Variants in DHX34 observed in about 807,000 individuals in gnomAD.
DHX34 encodes probable ATP-dependent RNA helicase DHX34.
Under a neutral mutation model 111.1 loss-of-function variants are expected in DHX34, and 96 were observed. The observed-to-expected ratio is 0.86, with a 90% confidence interval of 0.73 to 1.02. The LOEUF (loss-of-function observed/expected upper bound fraction) is 1.02. Ranked by LOEUF, DHX34 falls within the 50% of genes least tolerant of loss-of-function variation. The probability of loss-of-function intolerance (pLI) is 0.00; values close to 1 mark genes in which losing one functional copy is unlikely to be tolerated. For synonymous variants in DHX34, 688 were observed against 670.4 expected (o/e 1.03, Z -0.41); for missense variants, 1,560 against 1,579.9 (o/e 0.99, Z 0.21).
intron 2 of DHX34, among the ~76,000 whole-genome samples, chr19:47,354,115 A>G (rs1385121092): frequency 2.0e-5 from 3 of 152,122 alleles, no homozygotes; most frequent in Admixed American, 2.0e-4. Context: ...GGCACCCGCC[A>G]CCATGCCCAG....
chr19:47,373,626 C>A lies in DHX34; in HGVS notation c.1990C>A (p.Arg664Ser). The change falls in exon 9 of 17, where the codon CGC (arginine) becomes AGC (serine). Residue 664 changes from arginine to serine, a missense_variant. Transcript: ENST00000328771. ...GAAATCTGAACGGAGCAGAAACTCT[C>A]GCAAGTGGTGCCGCCGCCGGGGCAT... is the stretch of plus-strand genomic sequence containing the variant. Reference protein sequence around the residue: ...QVKSERSRNSRKWCRRRGIEE... With the variant: ...QVKSERSRNSSKWCRRRGIEE... The A allele has an allele frequency of 6.2e-7, 1 of 1,613,900 alleles. No individual in the cohort carries two copies. Among genetic ancestry groups the A allele is most frequent in the Non-Finnish European group, 8.5e-7 (1 of 1,179,946 alleles).
chr19:47,377,320 C>T (rs1970200457), intron 13 of DHX34, 114 bp downstream of exon 13: 22 of 1,131,542 alleles, frequency 1.9e-5, no homozygotes, highest in South Asian at 1.9e-4. Context: ...CTGGGCTGGC[C>T]GCAGGCGTCA....
Position 47,367,069 on chromosome 19 carries a change from T to G in DHX34, c.1682T>G (p.Leu561Arg), listed in dbSNP as rs1247274816. Residue 561 changes from leucine (L) to arginine (R), a missense_variant, in exon 7 of 17, where the codon CTC (leucine) becomes CGC (arginine). By Grantham distance (102) the Leu-to-Arg change is moderately radical. Transcript: ENST00000328771. ...PASLETAILYLRDQGALDSSE... is the reference protein window; with the variant it reads ...PASLETAILYRRDQGALDSSE... ...AGCCTGGAAACCGCCATCCTCTACC[T>G]CCGGGACCAGGGGGCCCTGGACAGC... 6.2e-7 allele frequency: 1 copy of G among 1,608,728 alleles called. No homozygotes were observed. Among genetic ancestry groups the G allele is most frequent in the Admixed American group, 1.7e-5 (1 of 59,310 alleles).
intron 5 of DHX34, among the ~76,000 whole-genome samples, chr19:47,361,272 A>G (rs1969623843): frequency 6.6e-6 from 1 of 151,852 alleles, no homozygotes. Flanking sequence ...AGCCTGGACA[A>G]CATGGTGAAA....
At chr19:47,370,715 C>T (rs577669032) in intron 7 of DHX34, among the ~76,000 whole-genome samples, 2 of 152,280 alleles carry the variant, frequency 1.3e-5, no homozygotes, top group South Asian at 2.1e-4. Flanking sequence ...TTCACTCTGT[C>T]CTCCAGGCTG....
In DHX34 at chr19:47,377,933, G is replaced by A. The variant is rs1373318516; in HGVS notation, c.2706+727G>A. Among the ~76,000 whole-genome samples the A allele has an allele frequency of 2.0e-5, 3 of 152,028 alleles. No individual in the cohort carries two copies. In the East Asian group the frequency reaches 5.8e-4, roughly 29 times the overall value. On this transcript the variant is annotated intron_variant, in intron 13 of 16. Coordinates refer to ENST00000328771, the MANE Select transcript of DHX34 (RefSeq NM_014681.6). ...CACTGCCCTGCCCCTAGTGCTCCTCGAGCGTCTTTGTGATCCTAGGCCTGG... is the reference window on the plus strand; with the variant it reads ...CACTGCCCTGCCCCTAGTGCTCCTCAAGCGTCTTTGTGATCCTAGGCCTGG...
chr19:47,377,865 C>G (rs1242494713), intron 13 of DHX34, among the ~76,000 whole-genome samples: 1 of 152,012 alleles, frequency 6.6e-6, no homozygotes, highest in Non-Finnish European at 1.5e-5. Flanking sequence ...CATGGATGCC[C>G]TTGCATGGGC....
At chr19:47,359,867 G>T in intron 4 of DHX34, 101 bp from the exon 5 acceptor site, 4 of 1,585,862 alleles carry the variant, frequency 2.5e-6, no homozygotes, top group Non-Finnish European at 3.4e-6. Context: ...GGAGGAAAGG[G>T]TTCCAGGGAA....
intron 16 of DHX34, chr19:47,381,687 TG>T: frequency 1.5e-6 from 1 of 676,336 alleles, no homozygotes. Context: ...TGGGGTTCAG[TG>T]GGGGAGATAG....
Position 47,382,211 on chromosome 19 carries a change from GCC to G in DHX34, c.*100_*101del. ...TGCCTGAACCCCCAGCCTGGGCTTA[GCC>G]CTGTGGTCCTGTCCCAGTGCAGAGG... On this transcript the variant is annotated 3_prime_UTR_variant, in exon 17 of 17. Transcript: ENST00000328771. 6.5e-7 allele frequency: 1 copy of G among 1,532,904 alleles called. No individual in the cohort carries two copies. Among genetic ancestry groups the G allele is most frequent in the Non-Finnish European group, 8.7e-7 (1 of 1,143,522 alleles). 95.0% of individuals were successfully genotyped at this position (1,532,904 alleles called of 1,614,324 possible).
At chr19:47,368,440 G>T (rs1969862149) in intron 7 of DHX34, among the ~76,000 whole-genome samples, 1 of 149,990 alleles carries the variant, frequency 6.7e-6, no homozygotes, top group African/African-American at 2.5e-5. Flanking sequence ...CCGAGTAGCT[G>T]GGATTACAGG....
At position 47,353,088 on chromosome 19, in the gene DHX34, A is replaced by T. The variant is rs776390516; in HGVS notation, c.58A>T (p.Ser20Cys). Residue 20 changes from serine to cysteine, a missense_variant, in exon 2 of 17, where the codon AGC becomes TGC. Physicochemically the swap from Ser to Cys is moderately radical, Grantham distance 112 (BLOSUM62 -1). Coordinates refer to ENST00000328771, the MANE Select transcript of DHX34 (RefSeq NM_014681.6). This position sits in a 1 kb window ranked among gnomAD's most constrained non-coding sequence, Gnocchi z 4.6. ...TCGCCGAGACCACCACCGGGCTCCC[A>T]GCGAGGAAGAGGCCTTGGAGAAATG... ...RDRRDHHRAP[S>C]EEEALEKWDW... 6.2e-7 allele frequency: 1 copy of T among 1,614,162 alleles called. No individual in the cohort carries two copies. The highest frequency in any genetic ancestry group is 8.5e-7 in the Non-Finnish European group (1 of 1,180,004).
intron 7 of DHX34, among the ~76,000 whole-genome samples, chr19:47,368,072 G>T (rs1969847517): frequency 6.6e-6 from 1 of 151,138 alleles, no homozygotes; most frequent in Admixed American, 6.6e-5. Context: ...GTTTGGACCA[G>T]CCATGTTCAA....
intron 9 of DHX34, among the ~76,000 whole-genome samples, chr19:47,374,071 GA>G (rs1970056905): frequency 6.6e-6 from 1 of 152,164 alleles, no homozygotes; most frequent in Non-Finnish European, 1.5e-5. Flanking sequence ...TGCCATTTCT[GA>G]CAGCGTGGCC....
chr19:47,376,047 C>A lies in DHX34; in HGVS notation c.2431C>A (p.Gln811Lys). ...GGTGCTGGGCCGGGGCCTGTACCCA[C>A]AGCTGGCCGTCCCCGACGCCTTCAA... ...KLVLGRGLYP[Q>K]LAVPDAFNSS... Residue 811 changes from glutamine (Q) to lysine (K), a missense_variant, in exon 11 of 17, where the codon CAG (glutamine) becomes AAG (lysine). Coordinates refer to ENST00000328771, the MANE Select transcript of DHX34 (RefSeq NM_014681.6). The A allele has an allele frequency of 6.3e-7, 1 of 1,591,686 alleles. No individual in the cohort carries two copies.
At chr19:47,360,105 C>G (rs373252007) in intron 5 of DHX34, 35 bp downstream of exon 5, 3 of 1,605,954 alleles carry the variant, frequency 1.9e-6, no homozygotes, top group Admixed American at 3.3e-5. Context: ...CCACCACCCC[C>G]AAGGACTTAG....
At chr19:47,362,409 C>T in intron 5 of DHX34, 67 bp from the exon 6 acceptor site, 4 of 1,430,878 alleles carry the variant, frequency 2.8e-6, no homozygotes, top group Non-Finnish European at 3.7e-6. Context: ...GTGACAAGAG[C>T]CAGGCGCGTG....
Position 47,359,638 on chromosome 19 carries a change from C to T in DHX34, c.1273-330C>T, listed in dbSNP as rs188864999. 4.4e-4 allele frequency among the ~76,000 whole-genome samples: 67 copies of T among 151,442 alleles called. 1 individual carries two copies. The East Asian group carries it at 9.4e-3, about 21-fold the overall frequency. On this transcript the variant is annotated intron_variant, in intron 4 of 16. Transcript: ENST00000328771. Reference sequence around the variant, plus strand: ...CTCTACTTAAAATACAAAAATTAGCCGGGCATGGTGGCGGGCACCTGTAAT... The same window carrying T: ...CTCTACTTAAAATACAAAAATTAGCTGGGCATGGTGGCGGGCACCTGTAAT...
chr19:47,365,591 C>T (rs544446902), intron 6 of DHX34, among the ~76,000 whole-genome samples: 11 of 152,238 alleles, frequency 7.2e-5, no homozygotes, highest in Admixed American at 3.3e-4. Flanking sequence ...AACTCATAGA[C>T]GGCATCAAGG....
Sources: allele counts gnomAD v4.1 joint callset (sites outside exome capture counted in the v4.1 genomes callset), GRCh38; gene constraint gnomAD v4.1.1; non-coding constraint Gnocchi (gnomAD v3.1); transcripts MANE v1.5; gene names NCBI Gene and HGNC (gene_info 2026-07-23, HGNC 2026-07-21).